RAD54B: variants seen among roughly 807,000 people sequenced by gnomAD.
The protein encoded by RAD54B is DNA repair and recombination protein RAD54B.
In RAD54B, 78 loss-of-function variants were observed where a neutral mutation model predicts 95.8. That is an observed-to-expected ratio of 0.81 (90% CI 0.68 to 0.98). The LOEUF (loss-of-function observed/expected upper bound fraction) is 0.98, where lower values mean the gene tolerates loss of function less well. Among genes scored for constraint, RAD54B ranks in the 50% least tolerant of loss-of-function variants. RAD54B has a pLI of 0.00. For synonymous variants in RAD54B, 328 were observed against 354.9 expected (o/e 0.92, Z 0.85); for missense variants, 957 against 1,056.6 (o/e 0.91, Z 1.31).
intron 11 of RAD54B, among the ~76,000 whole-genome samples, chr8:94,382,320 T>A (rs1188314151): frequency 6.6e-6 from 1 of 152,176 alleles, no homozygotes; most frequent in Admixed American, 6.5e-5. Flanking sequence ...GAATCGAAAT[T>A]TGAAAATCAT....
chr8:94,451,799 G>A (rs868517643), intron 3 of RAD54B, among the ~76,000 whole-genome samples: 1 of 152,022 alleles, frequency 6.6e-6, no homozygotes, highest in South Asian at 2.1e-4. Context: ...CTAAGAAAAC[G>A]TTCCAGATTG....
intron 8 of RAD54B, among the ~76,000 whole-genome samples, chr8:94,395,913 C>T (rs911567330): frequency 1.3e-5 from 2 of 152,106 alleles, no homozygotes; most frequent in Admixed American, 1.3e-4. Flanking sequence ...TTTAGACTTC[C>T]AGTTATATGG....
At chr8:94,461,755 C>T (rs749450141) in intron 2 of RAD54B, among the ~76,000 whole-genome samples, 1 of 152,122 alleles carries the variant, frequency 6.6e-6, no homozygotes. Context: ...TACACACACA[C>T]GTGAGAGTAA....
chr8:94,425,380 A>T (rs1233880830), intron 3 of RAD54B, among the ~76,000 whole-genome samples: 1 of 152,018 alleles, frequency 6.6e-6, no homozygotes, highest in African/African-American at 2.4e-5. Context: ...TAACAATTCT[A>T]AATACACACA....
intron 6 of RAD54B, among the ~76,000 whole-genome samples, chr8:94,401,684 A>G (rs1811270714): frequency 6.6e-6 from 1 of 152,188 alleles, no homozygotes; most frequent in Admixed American, 6.6e-5. Flanking sequence ...ATTTCTTCTT[A>G]GTAGAAATTA....
chr8:94,438,703 C>T (rs1213950739), intron 3 of RAD54B, among the ~76,000 whole-genome samples: 2 of 152,020 alleles, frequency 1.3e-5, no homozygotes, highest in African/African-American at 4.8e-5. Context: ...TGAAACACTA[C>T]TAAAATATGA....
intron 3 of RAD54B, among the ~76,000 whole-genome samples, chr8:94,446,270 G>A (rs1274283213): frequency 6.6e-6 from 1 of 152,092 alleles, no homozygotes; most frequent in East Asian, 1.9e-4. Flanking sequence ...AATTTTTTCT[G>A]TATTTTAGGA....
Position 94,393,821 on chromosome 8 carries a change from T to A in RAD54B, c.1440A>T (p.Gly480=). The change falls in exon 9 of 15, where the codon GGA becomes GGT. Residue 480 remains glycine (G), a synonymous_variant. Coordinates refer to ENST00000336148, the MANE Select transcript of RAD54B (RefSeq NM_012415.3). ...FFALIDFVNP[G]ILGSLSSYRK... is the part of the protein sequence containing the mutation. ...TATAAGATGACAAAGAGCCTAATATTCCTGGATTTACAAAATCAATTAATG... is the reference window on the plus strand; with the variant it reads ...TATAAGATGACAAAGAGCCTAATATACCTGGATTTACAAAATCAATTAATG... 2 of 1,592,010 alleles carry A rather than the reference T, an allele frequency of 1.3e-6. No homozygotes were observed. Among genetic ancestry groups the A allele is most frequent in the Admixed American group, 3.4e-5 (2 of 59,448 alleles).
intron 11 of RAD54B, among the ~76,000 whole-genome samples, chr8:94,383,928 A>T (rs74697031): frequency 6.6e-6 from 1 of 152,202 alleles, no homozygotes; most frequent in African/African-American, 2.4e-5. Context: ...GTTGGTGGAA[A>T]TGAAAATGGT....
chr8:94,382,049 G>A (rs1274984290), intron 11 of RAD54B, among the ~76,000 whole-genome samples: 1 of 150,586 alleles, frequency 6.6e-6, no homozygotes, highest in African/African-American at 2.4e-5. Flanking sequence ...GGGAGGCGGA[G>A]CTTGCAGTGA....
rs28398457 is a variant in RAD54B, at chr8:94,392,147, A to C, written c.1519-248T>G. On this transcript the variant is annotated intron_variant, in intron 9 of 14. Transcript: ENST00000336148. ...TAATGATATATCCTATAATTGGTAG[A>C]ATCTTAGAGTCAATGAAATATAGTC... Among the ~76,000 whole-genome samples, 20,777 of 152,210 alleles carry C rather than the reference A, an allele frequency of 0.14. 2,062 individuals are homozygous for C. Among genetic ancestry groups the C allele is most frequent in the African/African-American group, 0.27 (11,243 of 41,486 alleles).
At chr8:94,441,325 C>G (rs1812391404) in intron 3 of RAD54B, among the ~76,000 whole-genome samples, 1 of 152,164 alleles carries the variant, frequency 6.6e-6, no homozygotes, top group South Asian at 2.1e-4. Context: ...CAACCAGTCA[C>G]AAGTCTGGGC....
At chr8:94,428,826 C>A (rs1388168124) in intron 3 of RAD54B, 8 of 984,800 alleles carry the variant, frequency 8.1e-6, no homozygotes, top group Non-Finnish European at 9.6e-6. Flanking sequence ...GGTAAGTAGT[C>A]CCCTAACTCA....
At chr8:94,377,544 GGAA>G (rs1810613018) in intron 14 of RAD54B, among the ~76,000 whole-genome samples, 1 of 37,808 alleles carries the variant, frequency 2.6e-5, no homozygotes, top group Non-Finnish European at 4.2e-5. Context: ...ACCCTGTCTT[GGAA>G]AAAAAAAAAA....
At chr8:94,404,556 C>T (rs1178866500) in intron 5 of RAD54B, among the ~76,000 whole-genome samples, 1 of 152,172 alleles carries the variant, frequency 6.6e-6, no homozygotes. Context: ...GTTCAGTATT[C>T]AGAGCAAAGA....
chr8:94,432,250 T>G (rs1812118564), intron 3 of RAD54B: 1 of 1,550,286 alleles, frequency 6.5e-7, no homozygotes, highest in Non-Finnish European at 8.7e-7. Flanking sequence ...AATCCATCCC[T>G]CTTCTCCTGA....
chr8:94,460,724 T>A (rs2919657), intron 2 of RAD54B, among the ~76,000 whole-genome samples: 39,538 of 152,116 alleles, frequency 0.26, 5,887 homozygotes, highest in East Asian at 0.43. Flanking sequence ...AGGGCTGAGT[T>A]CCTTTCTGGA....
intron 3 of RAD54B, among the ~76,000 whole-genome samples, chr8:94,453,578 A>G (rs1052608159): frequency 6.6e-6 from 1 of 152,188 alleles, no homozygotes; most frequent in South Asian, 2.1e-4. Flanking sequence ...TGACAAAAAG[A>G]TTTCAGTGAT....
chr8:94,431,289 T>G, intron 3 of RAD54B: 1 of 976,406 alleles, frequency 1.0e-6, no homozygotes, highest in Non-Finnish European at 1.2e-6. Flanking sequence ...AAGACATGTC[T>G]TTAAATCACA....
Sources: allele counts gnomAD v4.1 joint callset (sites outside exome capture counted in the v4.1 genomes callset), GRCh38; gene constraint gnomAD v4.1.1; transcripts MANE v1.5; gene names NCBI Gene and HGNC (gene_info 2026-07-23, HGNC 2026-07-21).